Variants in RFX2 observed in about 807,000 individuals in gnomAD.
RFX2 encodes regulatory factor X2, also known as DNA-binding protein RFX2.
Under a neutral mutation model 87.8 loss-of-function variants are expected in RFX2, and 20 were observed. That is an observed-to-expected ratio of 0.23 (90% CI 0.16 to 0.33). The LOEUF (loss-of-function observed/expected upper bound fraction) is 0.33. RFX2 is among the 10% of genes least tolerant of loss of function. The probability of loss-of-function intolerance (pLI) is 1.00; values close to 1 mark genes in which losing one functional copy is unlikely to be tolerated. For missense variants in RFX2, 767 were observed against 1,012.3 expected (o/e 0.76, Z 3.29); for synonymous variants, 397 against 431.3 (o/e 0.92, Z 0.98).
At chr19:6,042,265 T>TAG (rs2087121493) in intron 3 of RFX2, 142 bp from the exon 4 acceptor site, 1 of 724,394 alleles carries the variant, frequency 1.4e-6, no homozygotes. Context: ...TCGGCACGCC[T>TAG]AGAAAGACAC....
intron 1 of RFX2, among the ~76,000 whole-genome samples, chr19:6,108,743 G>C (rs1274718980): frequency 1.3e-5 from 2 of 152,124 alleles, no homozygotes; most frequent in Non-Finnish European, 2.9e-5. Flanking sequence ...TGGGTCCCGA[G>C]CTCCATCTTG....
intron 16 of RFX2, among the ~76,000 whole-genome samples, chr19:5,996,654 C>T (rs1418753353): frequency 3.3e-5 from 5 of 152,320 alleles, no homozygotes; most frequent in East Asian, 1.9e-4. Context: ...ATGTGCTAAG[C>T]GCCACTTGAT....
chr19:6,057,756 T>G (rs1303045290), intron 1 of RFX2, among the ~76,000 whole-genome samples: 3 of 152,120 alleles, frequency 2.0e-5, no homozygotes, highest in Admixed American at 2.0e-4. Context: ...AAGCCCGGAG[T>G]GCTCTCAGGA....
intron 7 of RFX2, among the ~76,000 whole-genome samples, chr19:6,015,086 C>T (rs1400776166): frequency 2.0e-5 from 3 of 152,160 alleles, no homozygotes; most frequent in Admixed American, 1.3e-4. Context: ...TGTCCCGGGG[C>T]TGCCATAGGC....
At chr19:6,073,453 C>T in intron 1 of RFX2, 1 of 956,686 alleles carries the variant, frequency 1.0e-6, no homozygotes, top group Non-Finnish European at 1.6e-6. Context: ...AGAAACAAAA[C>T]CATCGTGGAA....
chr19:6,005,419 C>A (rs561354284), intron 12 of RFX2, among the ~76,000 whole-genome samples: 19 of 152,352 alleles, frequency 1.2e-4, no homozygotes, highest in Non-Finnish European at 2.5e-4. Flanking sequence ...GGTCCTGATG[C>A]TGTGATTTAT....
At position 6,045,854 on chromosome 19, in the gene RFX2, A is replaced by T. The variant is rs1268720730; in HGVS notation, c.90+1553T>A. ...GCTCGGCTAATTTATTATTATTATT[A>T]TTTTTTGTATTTAGTAGACACAGGG... On this transcript the variant is annotated intron_variant, in intron 2 of 17. Coordinates refer to ENST00000303657, the MANE Select transcript of RFX2 (RefSeq NM_000635.4). This position sits in a 1 kb window ranked among gnomAD's most constrained non-coding sequence, Gnocchi z 5.2. Among the ~76,000 whole-genome samples, 5 of 151,770 alleles carry T rather than the reference A, an allele frequency of 3.3e-5. No homozygotes were observed. Among genetic ancestry groups the T allele is most frequent in the East Asian group, 1.9e-4 (1 of 5,150 alleles).
In RFX2 at chr19:6,026,919, C is replaced by A. The variant is rs2086896374; in HGVS notation, c.523-682G>T. Among the ~76,000 whole-genome samples the A allele has an allele frequency of 6.6e-6, 1 of 152,092 alleles. No homozygotes were observed. Among genetic ancestry groups the A allele is most frequent in the South Asian group, 2.1e-4 (1 of 4,832 alleles). ...CAGCAGAACTTCCTGGAGGAAGGGG[C>A]TTTTGAGTTGGATCCTGAAGGACCT... On this transcript the variant is annotated intron_variant, in intron 5 of 17. Transcript: ENST00000303657. The surrounding 1 kb of genome is among the most constrained non-coding windows in gnomAD (Gnocchi z 4.5).
intron 1 of RFX2, among the ~76,000 whole-genome samples, chr19:6,051,004 T>TG (rs1555777818): frequency 2.0e-5 from 3 of 152,078 alleles, no homozygotes; most frequent in South Asian, 4.1e-4. Flanking sequence ...TTTAATATGC[T>TG]GGGGGGGAAA....
intron 1 of RFX2, among the ~76,000 whole-genome samples, chr19:6,105,118 CAAAA>C (rs1261973557): frequency 8.0e-5 from 5 of 62,266 alleles, no homozygotes; most frequent in African/African-American, 9.1e-5. Context: ...CTCCGTCTCA[CAAAA>C]AAAAAAAAAA....
At chr19:6,042,505 T>TTG (rs1555776971) in intron 3 of RFX2, among the ~76,000 whole-genome samples, 4 of 151,990 alleles carry the variant, frequency 2.6e-5, no homozygotes, top group African/African-American at 7.3e-5. Flanking sequence ...TGTTTTTTTT[T>TTG]TTTGTTTGTT....
At chr19:6,075,200 T>A (rs10408227) in intron 1 of RFX2, among the ~76,000 whole-genome samples, 2 of 151,974 alleles carry the variant, frequency 1.3e-5, no homozygotes, top group Non-Finnish European at 2.9e-5. Context: ...TCTATGGCCT[T>A]TTGCTGAAAC....
At position 6,027,104 on chromosome 19, in the gene RFX2, G is replaced by A. The variant is rs1355017606; in HGVS notation, c.523-867C>T. The A allele has an allele frequency of 6.6e-6, 1 of 152,304 alleles. No homozygotes were observed. Among genetic ancestry groups the A allele is most frequent in the Non-Finnish European group, 1.5e-5 (1 of 68,102 alleles). 9.4% of individuals were successfully genotyped at this position (152,304 alleles called of 1,614,324 possible). ...GCTGCAGCCCACCCTGACGACCAGA[G>A]GACTGAAGCGGGAGGAGATGAACTT... On this transcript the variant is annotated intron_variant, in intron 5 of 17. Transcript: ENST00000303657. This position sits in a 1 kb window ranked among gnomAD's most constrained non-coding sequence, Gnocchi z 5.0.
Position 5,996,963 on chromosome 19 carries a change from A to T in RFX2, c.2013+97T>A, listed in dbSNP as rs1599832964. On this transcript the variant is annotated intron_variant, in intron 16 of 17. Transcript: ENST00000303657. ...TCTGTCCGGGCGGCAGAGCAGTGGG[A>T]CCTGCGAGTGTCCTCTCTCTGGGCT... 6 of 1,298,774 alleles carry T rather than the reference A, an allele frequency of 4.6e-6. No homozygotes were observed. The South Asian group carries it at 7.3e-5, about 16-fold the overall frequency. 80.5% of individuals were successfully genotyped at this position (1,298,774 alleles called of 1,614,324 possible).
In RFX2 at chr19:6,040,363, G is replaced by A; in HGVS notation, c.261-122C>T. On this transcript the variant is annotated intron_variant, in intron 4 of 17. Transcript: ENST00000303657. This position sits in a 1 kb window ranked among gnomAD's most constrained non-coding sequence, Gnocchi z 6.1. ...AACCCAGAGAGGCCAGACATATGGA[G>A]CAATTCGGACGTGGCATATGACACT... The A allele has an allele frequency of 1.9e-6, 2 of 1,042,594 alleles. No individual in the cohort carries two copies. Among genetic ancestry groups the A allele is most frequent in the Non-Finnish European group, 2.7e-6 (2 of 742,956 alleles). The allele number at this position is 1,042,594 out of a possible 1,614,324, so 64.6% of individuals were successfully genotyped here.
chr19:6,053,792 C>T (rs1332675695), intron 1 of RFX2, among the ~76,000 whole-genome samples: 1 of 151,910 alleles, frequency 6.6e-6, no homozygotes, highest in African/African-American at 2.4e-5. Context: ...TCTGTCTCTA[C>T]TAAAAACACA....
In RFX2 at chr19:6,002,470, G is replaced by A. The variant is rs190921920; in HGVS notation, c.1650+251C>T. On this transcript the variant is annotated intron_variant, in intron 14 of 17. Coordinates refer to ENST00000303657, the MANE Select transcript of RFX2 (RefSeq NM_000635.4). The surrounding 1 kb of genome is among the most constrained non-coding windows in gnomAD (Gnocchi z 6.7). ...GTGGTGCCACGATCCTGGAAGCTGG[G>A]GGCCTTTGTGAGGAAAATGAGCAGA... Among the ~76,000 whole-genome samples the A allele has an allele frequency of 6.6e-6, 1 of 152,376 alleles. No individual in the cohort carries two copies. Among genetic ancestry groups the A allele is most frequent in the East Asian group, 1.9e-4 (1 of 5,182 alleles).
chr19:6,058,210 A>G (rs2087374265), intron 1 of RFX2, among the ~76,000 whole-genome samples: 2 of 152,180 alleles, frequency 1.3e-5, no homozygotes, highest in South Asian at 4.1e-4. Flanking sequence ...CAGGGTGCTG[A>G]GCAGCATCCC....
intron 13 of RFX2, among the ~76,000 whole-genome samples, chr19:6,003,132 T>A (rs1209935981): frequency 6.6e-6 from 1 of 152,192 alleles, no homozygotes; most frequent in African/African-American, 2.4e-5. Flanking sequence ...ACTGTCGCCA[T>A]GCCCACTTCT....
Sources: gnomAD v4.1 joint callset for allele counts (sites outside exome capture counted in the v4.1 genomes callset) on GRCh38, gnomAD v4.1.1 for gene constraint, Gnocchi (gnomAD v3.1) non-coding constraint, MANE v1.5 for transcripts, NCBI Gene and HGNC (gene_info 2026-07-23, HGNC 2026-07-21) for gene names.